The following CNKSR2 variants were observed in gnomAD, a reference collection of about 807,000 sequenced individuals.
CNKSR2 encodes the protein connector enhancer of kinase suppressor of Ras 2.
In CNKSR2, 14 loss-of-function variants were observed where a neutral mutation model predicts 84.4. That is an observed-to-expected ratio of 0.17 (90% CI 0.11 to 0.26). The LOEUF (loss-of-function observed/expected upper bound fraction) is 0.26, where lower values mean the gene tolerates loss of function less well. Among genes scored for constraint, CNKSR2 ranks in the 10% least tolerant of loss-of-function variants. The probability of loss-of-function intolerance (pLI) is 1.00; values close to 1 mark genes in which losing one functional copy is unlikely to be tolerated. For missense variants in CNKSR2, 485 were observed against 771.2 expected, an observed-to-expected ratio of 0.63 and a Z score of 4.40; for synonymous variants, 275 against 277.9, an observed-to-expected ratio of 0.99 and a Z score of 0.10.
intron 6 of CNKSR2, chrX:21,492,667 A>G (rs990600261): frequency 9.0e-6 from 1 of 111,647 alleles, no homozygotes; most frequent in Non-Finnish European, 1.9e-5. Flanking sequence ...GACAAGGGGC[A>G]GCACTTCACT....
chrX:21,407,844 A>G (rs2090285160), intron 1 of CNKSR2, among the ~76,000 whole-genome samples: 1 of 112,193 alleles, frequency 8.9e-6, no homozygotes, highest in South Asian at 3.7e-4. Flanking sequence ...TGCTATAACC[A>G]AAAGAACATG....
chrX:21,464,241 C>G (rs7054259), intron 4 of CNKSR2, among the ~76,000 whole-genome samples: 22,178 of 111,493 alleles, frequency 0.2, 5,250 homozygotes, highest in African/African-American at 0.68. Context: ...GCTATAACAA[C>G]GTCAGAGCTG....
At chrX:21,472,872 A>T (rs1178899010) in intron 5 of CNKSR2, among the ~76,000 whole-genome samples, 5 of 111,456 alleles carry the variant, frequency 4.5e-5, no homozygotes, top group African/African-American at 1.6e-4. Context: ...GACTAAGGAA[A>T]TAATCTCTTT....
At chrX:21,452,787 TTTTATTTTA>T (rs2090951886) in intron 4 of CNKSR2, among the ~76,000 whole-genome samples, 1 of 102,475 alleles carries the variant, frequency 9.8e-6, no homozygotes, top group Non-Finnish European at 2.0e-5. Context: ...TTTTATTTTA[TTTTATTTTA>T]TTTTATTTTA....
chrX:21,398,302 C>T (rs140977050), intron 1 of CNKSR2, among the ~76,000 whole-genome samples: 133 of 111,808 alleles, frequency 1.2e-3, no homozygotes, highest in African/African-American at 4.1e-3. Flanking sequence ...GTCTCTTGTA[C>T]TATGTGTGCT....
chrX:21,632,983 T>C (rs773087308), intron 20 of CNKSR2, among the ~76,000 whole-genome samples: 2 of 101,265 alleles, frequency 2.0e-5, no homozygotes, highest in Non-Finnish European at 4.0e-5. Flanking sequence ...TACACACTTA[T>C]ATAATATACA....
chrX:21,403,338 C>G (rs2090218250), intron 1 of CNKSR2, among the ~76,000 whole-genome samples: 1 of 111,324 alleles, frequency 9.0e-6, no homozygotes, highest in African/African-American at 3.3e-5. Flanking sequence ...CTGTTATTAC[C>G]TTTTAAGAGT....
chrX:21,503,789 C>T (rs1198980311), intron 8 of CNKSR2: 1 of 111,176 alleles, frequency 9.0e-6, no homozygotes, highest in Non-Finnish European at 1.9e-5. Flanking sequence ...TTTACTGCCA[C>T]TTCCTCACTC....
intron 1 of CNKSR2, among the ~76,000 whole-genome samples, chrX:21,404,982 C>T (rs757884157): frequency 3.5e-4 from 39 of 110,623 alleles, no homozygotes; most frequent in African/African-American, 1.2e-3. Flanking sequence ...ATGCATAGGT[C>T]TGTTTCTGGA....
chrX:21,574,403 C>T (rs1019983452), intron 13 of CNKSR2, among the ~76,000 whole-genome samples: 8 of 111,544 alleles, frequency 7.2e-5, no homozygotes, highest in South Asian at 3.8e-4. Flanking sequence ...ACCCAGGACT[C>T]GGTAATTATA....
At chrX:21,425,044 T>C (rs2090546925) in intron 1 of CNKSR2, 1 of 111,753 alleles carries the variant, frequency 8.9e-6, no homozygotes, top group East Asian at 2.8e-4. Context: ...AATAGAGATA[T>C]ACAGTTCTTA....
chrX:21,654,473 C>G lies in CNKSR2; in HGVS notation c.*1952C>G, dbSNP rs1413039647. 1.8e-5 allele frequency: 2 copies of G among 108,549 alleles called. No individual in the cohort carries two copies. Among genetic ancestry groups the G allele is most frequent in the African/African-American group, 6.7e-5 (2 of 29,753 alleles). 8.9% of individuals were successfully genotyped at this position (108,549 alleles called of 1,213,427 possible). ...CAAGCAGTTGACGGGAAGACTAGCT[C>G]TGTTGCTACTAAGCAGCTTTTACTT... On this transcript the variant is annotated 3_prime_UTR_variant, in exon 22 of 22. Transcript: ENST00000379510.
intron 13 of CNKSR2, among the ~76,000 whole-genome samples, chrX:21,588,443 TGTCAA>T (rs751688063): frequency 8.9e-6 from 1 of 112,239 alleles, no homozygotes; most frequent in Non-Finnish European, 1.9e-5. Flanking sequence ...TTTTAGAAAA[TGTCAA>T]GTCAATTGGA....
chrX:21,430,144 C>G (rs2090616789), intron 2 of CNKSR2, among the ~76,000 whole-genome samples: 1 of 110,704 alleles, frequency 9.0e-6, no homozygotes, highest in Non-Finnish European at 1.9e-5. Context: ...TTCTTTTTTC[C>G]TCTGCATTTC....
intron 1 of CNKSR2, among the ~76,000 whole-genome samples, chrX:21,397,981 G>A (rs901025878): frequency 1.8e-5 from 2 of 111,585 alleles, no homozygotes; most frequent in East Asian, 5.6e-4. Flanking sequence ...TGTACCTATT[G>A]TATATATTAC....
chrX:21,649,901 C>G (rs1043707026), intron 21 of CNKSR2, among the ~76,000 whole-genome samples: 1 of 111,959 alleles, frequency 8.9e-6, no homozygotes, highest in African/African-American at 3.3e-5. Context: ...GTTAGAATGG[C>G]GATCATTAAA....
chrX:21,492,773 G>A (rs758201929), intron 6 of CNKSR2: 1 of 111,867 alleles, frequency 8.9e-6, no homozygotes, highest in South Asian at 3.7e-4. Context: ...TATCAAAGGG[G>A]AAGTACTAAA....
intron 1 of CNKSR2, among the ~76,000 whole-genome samples, chrX:21,397,000 T>A (rs1013366120): frequency 2.7e-5 from 3 of 111,649 alleles, no homozygotes; most frequent in African/African-American, 9.7e-5. Flanking sequence ...TCATTAGAAA[T>A]GTTTGTTTTA....
At chrX:21,595,077 C>A in intron 16 of CNKSR2, 30 bp downstream of exon 16, 6 of 1,055,043 alleles carry the variant, frequency 5.7e-6, no homozygotes, top group South Asian at 4.1e-5. Context: ...GAAGAGGGAA[C>A]GATAGTTTTT....
Sources: allele counts gnomAD v4.1 joint callset (sites outside exome capture counted in the v4.1 genomes callset), GRCh38; gene constraint gnomAD v4.1.1; transcripts MANE v1.5; gene names NCBI Gene and HGNC (gene_info 2026-07-23, HGNC 2026-07-21).